MALRD1: variants seen among roughly 807,000 people sequenced by gnomAD.
The protein encoded by MALRD1 is MAM and LDL-receptor class A domain-containing protein 1.
In MALRD1, 247 loss-of-function variants were observed where a neutral mutation model predicts 242.1. The ratio of observed to expected loss-of-function variants is 1.02; its 90% CI spans 0.92 to 1.13. The LOEUF is 1.13. Among genes scored for constraint, MALRD1 ranks in the 50% most tolerant of loss-of-function variants. The pLI is 0.00. For missense variants in MALRD1, 2,989 were observed against 2,533.1 expected (o/e 1.18, Z -3.86); for synonymous variants, 995 against 866.6 (o/e 1.15, Z -2.60).
intron 29 of MALRD1, among the ~76,000 whole-genome samples, chr10:19,482,635 A>G (rs998347057): frequency 1.4e-5 from 2 of 142,944 alleles, no homozygotes; most frequent in African/African-American, 2.6e-5. Flanking sequence ...AAAGAGCACA[A>G]TCCCATTTAC....
chr10:19,483,026 T>G (rs1187244130), intron 29 of MALRD1, among the ~76,000 whole-genome samples: 2 of 151,888 alleles, frequency 1.3e-5, no homozygotes, highest in Non-Finnish European at 2.9e-5. Flanking sequence ...AGTCATCACA[T>G]TACATGACTT....
chr10:19,087,951 A>G lies in MALRD1; in HGVS notation c.435+17A>G. ...GACTGCCAGGTATTTGAAAGCACAC[A>G]GCATTTTAAATATTTTGTCACATTT... On this transcript the variant is annotated intron_variant, in intron 3 of 39. Coordinates refer to ENST00000454679, the MANE Select transcript of MALRD1 (RefSeq NM_001142308.3). 1.6e-6 allele frequency: 2 copies of G among 1,231,236 alleles called. No individual in the cohort carries two copies. Among genetic ancestry groups the G allele is most frequent in the Non-Finnish European group, 2.0e-6 (2 of 985,828 alleles). The allele number at this position is 1,231,236 out of a possible 1,614,324, so 76.3% of individuals were successfully genotyped here.
chr10:19,575,032 A>C (rs1836738743), intron 33 of MALRD1, among the ~76,000 whole-genome samples: 1 of 152,200 alleles, frequency 6.6e-6, no homozygotes, highest in African/African-American at 2.4e-5. Context: ...AGTAGTGTCT[A>C]CAGCTCTCAA....
chr10:19,077,989 AT>A (rs1474207024), intron 2 of MALRD1, among the ~76,000 whole-genome samples: 1 of 151,902 alleles, frequency 6.6e-6, no homozygotes, highest in African/African-American at 2.4e-5. Flanking sequence ...ACATGAAAAC[AT>A]ATTTGTAGTT....
chr10:19,443,832 T>C lies in MALRD1; in HGVS notation c.4846-6475T>C, dbSNP rs116677149. 5.7e-3 allele frequency among the ~76,000 whole-genome samples: 874 copies of C among 152,350 alleles called. 11 individuals are homozygous for C. The highest frequency in any genetic ancestry group is 0.02 in the African/African-American group (835 of 41,576). ...GATGGAGAGTTCTGTACATGTCTATTACATCCACTTGGTGCACAGCTGAGT... is the reference window on the plus strand; with the variant it reads ...GATGGAGAGTTCTGTACATGTCTATCACATCCACTTGGTGCACAGCTGAGT... On this transcript the variant is annotated intron_variant, in intron 28 of 39. Coordinates refer to ENST00000454679, the MANE Select transcript of MALRD1 (RefSeq NM_001142308.3).
chr10:19,190,781 C>T (rs1270483502), intron 14 of MALRD1, among the ~76,000 whole-genome samples: 1 of 151,774 alleles, frequency 6.6e-6, no homozygotes, highest in Non-Finnish European at 1.5e-5. Flanking sequence ...GGACCCTTAC[C>T]TAACTTCATA....
intron 28 of MALRD1, among the ~76,000 whole-genome samples, chr10:19,397,821 C>A (rs540709478): frequency 6.6e-6 from 1 of 151,828 alleles, no homozygotes; most frequent in African/African-American, 2.4e-5. Flanking sequence ...ACTTCTTTAT[C>A]TTTTGTCTTT....
intron 36 of MALRD1, among the ~76,000 whole-genome samples, chr10:19,630,181 A>G (rs1839841535): frequency 6.6e-6 from 1 of 152,166 alleles, no homozygotes; most frequent in Non-Finnish European, 1.5e-5. Flanking sequence ...AAAGAAGGAG[A>G]TAATGAAACT....
chr10:19,610,010 A>G (rs1198492997), intron 35 of MALRD1, among the ~76,000 whole-genome samples: 2 of 152,028 alleles, frequency 1.3e-5, no homozygotes, highest in African/African-American at 4.8e-5. Context: ...TTTAAAAAAC[A>G]AACCAAAACA....
intron 14 of MALRD1, among the ~76,000 whole-genome samples, chr10:19,202,923 T>C (rs1248730355): frequency 6.6e-6 from 1 of 152,200 alleles, no homozygotes; most frequent in Non-Finnish European, 1.5e-5. Flanking sequence ...TTGGTTACAT[T>C]AATAACTTCT....
chr10:19,642,337 C>T (rs1268584792), intron 36 of MALRD1, among the ~76,000 whole-genome samples: 1 of 151,900 alleles, frequency 6.6e-6, no homozygotes, highest in Non-Finnish European at 1.5e-5. Flanking sequence ...TGAGACTGTA[C>T]TCATGCTTTT....
chr10:19,292,809 T>C (rs2496059), intron 21 of MALRD1, among the ~76,000 whole-genome samples: 6 of 148,284 alleles, frequency 4.0e-5, no homozygotes, highest in Non-Finnish European at 7.4e-5. Flanking sequence ...AGGAGAATGG[T>C]GTGAACCTGG....
chr10:19,433,612 C>T (rs557523816), intron 28 of MALRD1, among the ~76,000 whole-genome samples: 218 of 152,222 alleles, frequency 1.4e-3, no homozygotes, highest in Non-Finnish European at 2.5e-3. Flanking sequence ...ACTCCATTAA[C>T]TATATTGAAG....
intron 36 of MALRD1, among the ~76,000 whole-genome samples, chr10:19,654,738 C>T (rs149356637): frequency 7.9e-4 from 120 of 152,114 alleles, no homozygotes; most frequent in African/African-American, 2.6e-3. Context: ...TGAGACAGAA[C>T]GAAAATTGAA....
chr10:19,218,382 A>T (rs923061891), intron 18 of MALRD1, among the ~76,000 whole-genome samples: 1 of 152,156 alleles, frequency 6.6e-6, no homozygotes, highest in African/African-American at 2.4e-5. Context: ...CTGTTTACAT[A>T]TATTATTAAA....
rs1363583219 is a variant in MALRD1, at chr10:19,091,712, C to G, written c.597+3527C>G. Among the ~76,000 whole-genome samples the G allele has an allele frequency of 3.4e-5, 3 of 88,438 alleles. 1 individual carries two copies. The highest frequency in any genetic ancestry group is 3.4e-4 in the East Asian group (1 of 2,952). 58.0% of individuals were successfully genotyped at this position (88,438 alleles called of 152,430 possible). A position where few individuals can be genotyped will look rare whatever the true frequency, so the allele number is the denominator to read the frequency against. On this transcript the variant is annotated intron_variant, in intron 4 of 39. Transcript: ENST00000454679. ...GTCAATTTTGGATCTTTCCTGCTTT[C>G]TCTTGTAGGCATTTAGTGCTATAAA...
At chr10:19,597,208 C>T (rs917225181) in intron 34 of MALRD1, among the ~76,000 whole-genome samples, 1 of 152,128 alleles carries the variant, frequency 6.6e-6, no homozygotes, top group African/African-American at 2.4e-5. Flanking sequence ...AAAGAGAAAG[C>T]CTGCCAAATT....
At chr10:19,584,902 G>GCTTTAT (rs1837309648) in intron 33 of MALRD1, among the ~76,000 whole-genome samples, 2 of 151,558 alleles carry the variant, frequency 1.3e-5, no homozygotes, top group African/African-American at 4.8e-5. Flanking sequence ...TATGAATCTG[G>GCTTTAT]GTGCTCCTGT....
chr10:19,731,064 T>C (rs1835276279), intron 39 of MALRD1, among the ~76,000 whole-genome samples: 1 of 152,166 alleles, frequency 6.6e-6, no homozygotes, highest in Non-Finnish European at 1.5e-5. Flanking sequence ...AGCTGAAAAA[T>C]CTGGGAAATA....
Sources: gnomAD v4.1 joint callset for allele counts (sites outside exome capture counted in the v4.1 genomes callset) on GRCh38, gnomAD v4.1.1 for gene constraint, MANE v1.5 for transcripts, NCBI Gene and HGNC (gene_info 2026-07-23, HGNC 2026-07-21) for gene names.